The following ZDHHC11 variants were observed in gnomAD, a reference collection of about 807,000 sequenced individuals.
The protein encoded by ZDHHC11 is palmitoyltransferase ZDHHC11.
In ZDHHC11, 44 loss-of-function variants were observed where a neutral mutation model predicts 51.3. The observed-to-expected ratio is 0.86, with a 90% confidence interval of 0.67 to 1.10. The LOEUF (loss-of-function observed/expected upper bound fraction) is 1.10. Among genes scored for constraint, ZDHHC11 ranks in the 50% least tolerant of loss-of-function variants. ZDHHC11 has a pLI of 0.00. For synonymous variants in ZDHHC11, 163 were observed against 222.0 expected, an observed-to-expected ratio of 0.73 and a Z score of 2.36; for missense variants, 400 against 537.7, an observed-to-expected ratio of 0.74 and a Z score of 2.53.
upstream of ZDHHC11, among the ~76,000 whole-genome samples, chr5:855,860 C>T (rs1445711147): frequency 1.3e-4 from 18 of 134,926 alleles, no homozygotes; most frequent in East Asian, 2.7e-3. Context: ...GGACAGACAG[C>T]GAGCGAGGGG....
chr5:846,835 AC>A (rs1408573024), intron 3 of ZDHHC11, among the ~76,000 whole-genome samples: 39 of 140,366 alleles, frequency 2.8e-4, no homozygotes, highest in Non-Finnish European at 3.3e-4. Context: ...GTGAGCCTCC[AC>A]CGTGCTCAGG....
chr5:852,389 G>A (rs1274837311), upstream of ZDHHC11, among the ~76,000 whole-genome samples: 1 of 152,236 alleles, frequency 6.6e-6, no homozygotes, highest in Non-Finnish European at 1.5e-5. Context: ...AGAACTTTGA[G>A]AAGACTGAAG....
intron 12 of ZDHHC11, among the ~76,000 whole-genome samples, chr5:799,509 G>A (rs964845042): frequency 1.3e-5 from 2 of 151,508 alleles, no homozygotes; most frequent in African/African-American, 2.4e-5. Flanking sequence ...TGTTGCTCAC[G>A]GAAGGGAGTC....
At chr5:827,289 T>A (rs1579656697) in intron 7 of ZDHHC11, among the ~76,000 whole-genome samples, 2 of 148,060 alleles carry the variant, frequency 1.4e-5, no homozygotes, top group South Asian at 2.1e-4. Flanking sequence ...AAAGCATAAA[T>A]CTTACAGGAC....
chr5:853,495 C>A (rs1398483328), upstream of ZDHHC11, among the ~76,000 whole-genome samples: 1 of 145,726 alleles, frequency 6.9e-6, no homozygotes, highest in East Asian at 2.1e-4. Context: ...ACAGACCCCA[C>A]AGAGGACAGC....
chr5:803,927 C>A (rs1738852698), intron 11 of ZDHHC11, among the ~76,000 whole-genome samples: 1 of 145,324 alleles, frequency 6.9e-6, no homozygotes, highest in African/African-American at 2.5e-5. Flanking sequence ...AAGTTGAAGA[C>A]AATCGAAATT....
Position 802,929 on chromosome 5 carries a change from G to A in ZDHHC11, c.1182-1765C>T, listed in dbSNP as rs1185685293. Among the ~76,000 whole-genome samples, 5 of 146,166 alleles carry A rather than the reference G, an allele frequency of 3.4e-5. 1 individual carries two copies. The highest frequency in any genetic ancestry group is 7.6e-5 in the Non-Finnish European group (5 of 65,942). ...CCAGTTACTTGGGAGGCTGAGGCAG[G>A]AGAATGGTGTGAACCTGGGAGGTGG... On this transcript the variant is annotated intron_variant, in intron 11 of 12. Coordinates refer to ENST00000283441, the MANE Select transcript of ZDHHC11 (RefSeq NM_024786.3).
At chr5:858,617 C>T (rs555146605) in intron 1 of ZDHHC11, among the ~76,000 whole-genome samples, 6 of 152,184 alleles carry the variant, frequency 3.9e-5, no homozygotes, top group South Asian at 4.1e-4. Flanking sequence ...AACGTGTCCT[C>T]GTCCCCCTCT....
intron 4 of ZDHHC11, chr5:841,588 A>T: frequency 1.0e-6 from 1 of 998,704 alleles, no homozygotes; most frequent in South Asian, 4.2e-5. Context: ...AGGCCCCAGC[A>T]CCCATCCCTT....
chr5:804,229 A>G (rs1486950649), intron 11 of ZDHHC11, among the ~76,000 whole-genome samples: 1 of 150,834 alleles, frequency 6.6e-6, no homozygotes, highest in Non-Finnish European at 1.5e-5. Flanking sequence ...GCATGATGAA[A>G]TATCATTCTG....
intron 11 of ZDHHC11, among the ~76,000 whole-genome samples, chr5:809,014 C>CACAGACACACACAT (rs1554050773): frequency 6.4e-4 from 89 of 138,718 alleles, no homozygotes; most frequent in African/African-American, 2.1e-3. Flanking sequence ...CACACACACA[C>CACAGACACACACAT]GCACACTATT....
intron 1 of ZDHHC11, among the ~76,000 whole-genome samples, chr5:848,986 C>A (rs1178614225): frequency 6.6e-6 from 1 of 151,948 alleles, no homozygotes; most frequent in East Asian, 1.9e-4. Flanking sequence ...CCATGCCCGG[C>A]CCTGCTCACA....
chr5:799,463 A>C, intron 12 of ZDHHC11, among the ~76,000 whole-genome samples: 1 of 151,682 alleles, frequency 6.6e-6, no homozygotes, highest in Non-Finnish European at 1.5e-5. Context: ...ACACTGACAG[A>C]CTAAGACACG....
upstream of ZDHHC11, among the ~76,000 whole-genome samples, chr5:859,476 C>A (rs905988872): frequency 2.0e-5 from 3 of 152,150 alleles, no homozygotes; most frequent in African/African-American, 7.2e-5. Flanking sequence ...AAAACCCCTA[C>A]AACAACCAAC....
chr5:812,825 C>G (rs949010362), intron 11 of ZDHHC11, among the ~76,000 whole-genome samples: 1 of 151,174 alleles, frequency 6.6e-6, no homozygotes, highest in East Asian at 1.9e-4. Context: ...ACGGTATATG[C>G]ACATCATGAG....
chr5:804,277 G>C (rs1432699155), intron 11 of ZDHHC11, among the ~76,000 whole-genome samples: 1 of 151,166 alleles, frequency 6.6e-6, no homozygotes, highest in East Asian at 1.9e-4. Context: ...TCATTCCTTT[G>C]TCCAGCATAT....
At chr5:820,083 A>G (rs1741374299) in intron 9 of ZDHHC11, among the ~76,000 whole-genome samples, 1 of 151,508 alleles carries the variant, frequency 6.6e-6, no homozygotes, top group African/African-American at 2.4e-5. Context: ...TTTGGCAATC[A>G]TTACACAACT....
At chr5:810,400 C>G (rs1286238938) in intron 11 of ZDHHC11, among the ~76,000 whole-genome samples, 1 of 151,358 alleles carries the variant, frequency 6.6e-6, no homozygotes, top group East Asian at 1.9e-4. Context: ...ACAGCAAACA[C>G]GCAGACCAGA....
chr5:854,114 T>G (rs1244544932), upstream of ZDHHC11, among the ~76,000 whole-genome samples: 12 of 66,858 alleles, frequency 1.8e-4, no homozygotes, highest in South Asian at 5.1e-4. Flanking sequence ...CGGAGGACAG[T>G]GAGGAGCGGG....
Sources: gnomAD v4.1 joint callset for allele counts (sites outside exome capture counted in the v4.1 genomes callset) on GRCh38, gnomAD v4.1.1 for gene constraint, MANE v1.5 for transcripts, NCBI Gene and HGNC (gene_info 2026-07-23, HGNC 2026-07-21) for gene names.